MRTFA: variants seen among roughly 807,000 people sequenced by gnomAD.
MRTFA encodes myocardin related transcription factor A.
Under a neutral mutation model 83.5 loss-of-function variants are expected in MRTFA, and 20 were observed. The observed-to-expected ratio is 0.24, with a 90% CI of 0.17 to 0.35. The LOEUF (loss-of-function observed/expected upper bound fraction) is 0.35. MRTFA is among the 10% of genes least tolerant of loss of function. MRTFA has a pLI of 1.00. For missense variants in MRTFA, 1,200 were observed against 1,224.7 expected, an observed-to-expected ratio of 0.98 and a Z score of 0.30; for synonymous variants, 659 against 541.2, an observed-to-expected ratio of 1.22 and a Z score of -3.02.
intron 2 of MRTFA, among the ~76,000 whole-genome samples, chr22:40,553,636 A>C (rs934447373): frequency 2.0e-5 from 3 of 152,190 alleles, no homozygotes; most frequent in Non-Finnish European, 2.9e-5. Context: ...CTGGATGTCC[A>C]CGCAGAAGTT....
chr22:40,632,310 G>A lies in MRTFA; in HGVS notation c.-84+4168C>T, dbSNP rs188487085. 6.2e-3 allele frequency among the ~76,000 whole-genome samples: 942 copies of A among 151,914 alleles called. 6 individuals are homozygous for A. Among genetic ancestry groups the A allele is most frequent in the Non-Finnish European group, 0.011 (739 of 67,934 alleles). ...ACTGCAATTTTTTTTTTTTGAGACAGTTTTGCTCTGTCACCCAGGCTGGAG... is the reference window on the plus strand; with the variant it reads ...ACTGCAATTTTTTTTTTTTGAGACAATTTTGCTCTGTCACCCAGGCTGGAG... On this transcript the variant is annotated intron_variant, in intron 1 of 14. Coordinates refer to ENST00000355630, the MANE Select transcript of MRTFA (RefSeq NM_020831.6).
Position 40,419,092 on chromosome 22 carries a change from G to T in MRTFA, c.1646C>A (p.Ser549Tyr). The stretch of plus-strand genomic sequence containing the variant: ...GGGGGTGGGAGACACGGGGGGCGTG[G>T]AGCCCGTGCTGCCAAACTTCACCAC... The change falls in exon 12 of 15, where the codon TCC (serine) becomes TAC (tyrosine). Residue 549 changes from serine to tyrosine, a missense_variant. Physicochemically the swap from Ser to Tyr is moderately radical, Grantham distance 144 (BLOSUM62 -2). Transcript: ENST00000355630. 1 of 1,600,586 alleles carries T rather than the reference G, an allele frequency of 6.2e-7. No homozygotes were observed. The highest frequency in any genetic ancestry group is 8.5e-7 in the Non-Finnish European group (1 of 1,174,106).
chr22:40,533,683 CAA>C (rs949560521), intron 3 of MRTFA: 40 of 1,141,384 alleles, frequency 3.5e-5, no homozygotes, highest in Non-Finnish European at 4.4e-5. Flanking sequence ...TGAAGAAAGT[CAA>C]AGTCACAGGA....
At chr22:40,634,317 T>G (rs1461284990) in intron 1 of MRTFA, among the ~76,000 whole-genome samples, 3 of 152,180 alleles carry the variant, frequency 2.0e-5, no homozygotes, top group Admixed American at 6.5e-5. Context: ...CAACTCGAAC[T>G]CCTGGCCTCA....
intron 3 of MRTFA, among the ~76,000 whole-genome samples, chr22:40,472,953 T>A (rs1303867145): frequency 6.6e-6 from 1 of 152,174 alleles, no homozygotes; most frequent in Non-Finnish European, 1.5e-5. Context: ...AACATACTTC[T>A]TCCATAAAAT....
chr22:40,505,174 A>T (rs1429187880), intron 3 of MRTFA, among the ~76,000 whole-genome samples: 3 of 152,194 alleles, frequency 2.0e-5, no homozygotes, highest in African/African-American at 7.2e-5. Flanking sequence ...ATCATTGCCA[A>T]CTTTCAGGCA....
At chr22:40,494,278 CAT>C (rs2054315484) in intron 3 of MRTFA, among the ~76,000 whole-genome samples, 1 of 151,826 alleles carries the variant, frequency 6.6e-6, no homozygotes, top group South Asian at 2.1e-4. Context: ...TTGTAATTAA[CAT>C]GTCATTAAAA....
At chr22:40,423,063 G>C (rs992825303) in intron 9 of MRTFA, among the ~76,000 whole-genome samples, 2 of 152,164 alleles carry the variant, frequency 1.3e-5, no homozygotes, top group African/African-American at 4.8e-5. Context: ...CAGTCCATGA[G>C]GCCAGCAATG....
chr22:40,471,822 A>G (rs2053920768), intron 3 of MRTFA, among the ~76,000 whole-genome samples: 1 of 152,206 alleles, frequency 6.6e-6, no homozygotes, highest in Admixed American at 6.5e-5. Flanking sequence ...TAGTGAGCTG[A>G]GACCACACCA....
At position 40,452,089 on chromosome 22, in the gene MRTFA, T is replaced by A. The variant is rs545126828; in HGVS notation, c.307+11132A>T. ...ACCTCTGCCTCCCAGGTTCAAGTGATTCTCCTGCCTCAGCCTCCCGAGTAG... is the reference window on the plus strand; with the variant it reads ...ACCTCTGCCTCCCAGGTTCAAGTGAATCTCCTGCCTCAGCCTCCCGAGTAG... On this transcript the variant is annotated intron_variant, in intron 4 of 14. Transcript: ENST00000355630. Among the ~76,000 whole-genome samples the A allele has an allele frequency of 6.2e-3, 933 of 151,496 alleles. 6 individuals are homozygous for A. Among genetic ancestry groups the A allele is most frequent in the Non-Finnish European group, 0.011 (731 of 67,906 alleles).
intron 3 of MRTFA, among the ~76,000 whole-genome samples, chr22:40,470,140 C>A (rs923323705): frequency 6.7e-6 from 1 of 148,222 alleles, no homozygotes; most frequent in Non-Finnish European, 1.5e-5. Flanking sequence ...AGTAGAATTG[C>A]TTGAACCCTG....
At chr22:40,434,654 G>A (rs932290891) in intron 5 of MRTFA, among the ~76,000 whole-genome samples, 11 of 152,166 alleles carry the variant, frequency 7.2e-5, no homozygotes, top group Admixed American at 2.6e-4. Context: ...TCTGGTAGGC[G>A]GAGGCTGCGG....
chr22:40,418,835 C>G lies in MRTFA; in HGVS notation c.1903G>C (p.Glu635Gln), dbSNP rs751069863. 6.2e-6 allele frequency: 10 copies of G among 1,611,702 alleles called. No homozygotes were observed. The highest frequency in any genetic ancestry group is 7.6e-6 in the Non-Finnish European group (9 of 1,179,766). Residue 635 changes from glutamate (E) to glutamine (Q), a missense_variant, in exon 12 of 15, where the codon GAG (glutamate) becomes CAG (glutamine). By Grantham distance (29) the Glu-to-Gln change is conservative (BLOSUM62 2). Transcript: ENST00000355630. The stretch of plus-strand genomic sequence containing the variant: ...TGCCGGAGCATGCGCGTCAGCGCCT[C>G]GATCTGCTTGTCTTTCTCCTGCAGC...
chr22:40,628,831 T>C (rs1042831429), intron 1 of MRTFA, among the ~76,000 whole-genome samples: 4 of 152,092 alleles, frequency 2.6e-5, no homozygotes, highest in Admixed American at 6.6e-5. Context: ...CACTAAACAA[T>C]GAGAGAACTG....
At chr22:40,420,310 G>C in intron 11 of MRTFA, 95 bp downstream of exon 11, 1 of 1,428,254 alleles carries the variant, frequency 7.0e-7, no homozygotes, top group Non-Finnish European at 9.6e-7. Flanking sequence ...TGGGTCCTAG[G>C]CTGGCTGCCT....
chr22:40,487,593 G>C (rs1454418571), intron 3 of MRTFA, among the ~76,000 whole-genome samples: 1 of 152,182 alleles, frequency 6.6e-6, no homozygotes, highest in Non-Finnish European at 1.5e-5. Flanking sequence ...CTAATGCCTT[G>C]ACTGGTGTTT....
chr22:40,623,427 C>G (rs925539905), intron 1 of MRTFA, among the ~76,000 whole-genome samples: 1 of 151,944 alleles, frequency 6.6e-6, no homozygotes, highest in Non-Finnish European at 1.5e-5. Context: ...CCCACTAACT[C>G]GTCATCTAGC....
chr22:40,459,860 T>TATATATAC (rs2053677983), intron 4 of MRTFA, among the ~76,000 whole-genome samples: 7 of 130,502 alleles, frequency 5.4e-5, no homozygotes, highest in Non-Finnish European at 9.7e-5. Flanking sequence ...TATATATATA[T>TATATATAC]ATACACACAT....
intron 3 of MRTFA, among the ~76,000 whole-genome samples, chr22:40,518,795 C>CAAAAAA (rs879690699): frequency 1.5e-5 from 1 of 68,136 alleles, no homozygotes; most frequent in East Asian, 3.4e-4. Flanking sequence ...ACTCTGTCTC[C>CAAAAAA]AAAAAAAAAA....
Sources: gnomAD v4.1 joint callset for allele counts (sites outside exome capture counted in the v4.1 genomes callset) on GRCh38, gnomAD v4.1.1 for gene constraint, MANE v1.5 for transcripts, NCBI Gene and HGNC (gene_info 2026-07-23, HGNC 2026-07-21) for gene names.